The following AUTS2 variants were observed in gnomAD, a reference collection of about 807,000 sequenced individuals.
AUTS2 encodes activator of transcription and developmental regulator AUTS2, also known as autism susceptibility gene 2 protein.
A neutral mutation model predicts 112.4 loss-of-function variants in AUTS2; 17 were observed. That is an observed-to-expected ratio of 0.15 (90% CI 0.10 to 0.23). The LOEUF (loss-of-function observed/expected upper bound fraction) is 0.23, where lower values mean the gene tolerates loss of function less well. Among genes scored for constraint, AUTS2 ranks in the 10% least tolerant of loss-of-function variants. AUTS2 has a pLI of 1.00. For missense variants in AUTS2, 1,510 were observed against 1,701.6 expected, an observed-to-expected ratio of 0.89 and a Z score of 1.98; for synonymous variants, 751 against 702.7, an observed-to-expected ratio of 1.07 and a Z score of -1.09.
In AUTS2 at chr7:70,790,485, T is replaced by C; in HGVS notation, c.3269T>C (p.Leu1090Pro). Reference sequence around the variant, plus strand: ...CTTGACATTCACCGGAGAGACCCGCTGGGCAGGGACTTCCTGCTAAGGAAC... The same window carrying C: ...CTTGACATTCACCGGAGAGACCCGCCGGGCAGGGACTTCCTGCTAAGGAAC... The part of the protein sequence containing the change: ...RELDIHRRDP[L>P]GRDFLLRNDP... Residue 1090 changes from leucine to proline, a missense_variant, in exon 19 of 19, where the codon CTG (leucine) becomes CCG (proline). Physicochemically the swap from Leu to Pro is moderately conservative, Grantham distance 98. Coordinates refer to ENST00000342771, the MANE Select transcript of AUTS2 (RefSeq NM_015570.4). The surrounding 1 kb of genome is among the most constrained non-coding windows in gnomAD (Gnocchi z 7.6). The C allele has an allele frequency of 6.2e-7, 1 of 1,612,410 alleles. No homozygotes were observed. Among genetic ancestry groups the C allele is most frequent in the East Asian group, 2.2e-5 (1 of 44,776 alleles).
intron 1 of AUTS2, among the ~76,000 whole-genome samples, chr7:69,680,738 C>T (rs977755484): frequency 2.0e-5 from 3 of 152,078 alleles, no homozygotes; most frequent in Non-Finnish European, 1.5e-5. Context: ...GGTATGGTTT[C>T]GGCTCACTGC....
At chr7:70,726,627 A>G (rs1235498405) in intron 6 of AUTS2, among the ~76,000 whole-genome samples, 1 of 152,230 alleles carries the variant, frequency 6.6e-6, no homozygotes, top group Non-Finnish European at 1.5e-5. Flanking sequence ...GTATCCCAGA[A>G]TTTTTGAGAA....
chr7:70,495,546 C>A (rs112913171), intron 5 of AUTS2, among the ~76,000 whole-genome samples: 13 of 151,962 alleles, frequency 8.6e-5, no homozygotes, highest in African/African-American at 2.7e-4. Context: ...CACATAGACA[C>A]ACACCCCCCG....
intron 4 of AUTS2, chr7:70,292,056 C>G (rs936151584): frequency 3.9e-5 from 6 of 152,166 alleles, no homozygotes; most frequent in Admixed American, 2.0e-4. Context: ...TGTCTTCTGA[C>G]TCATTGGATT....
chr7:70,710,896 T>TGTA (rs1220304435), intron 6 of AUTS2, among the ~76,000 whole-genome samples: 2 of 152,252 alleles, frequency 1.3e-5, no homozygotes, highest in Non-Finnish European at 2.9e-5. Context: ...TGCAGTTGGC[T>TGTA]GTAGAGGCCA....
chr7:69,701,584 G>T (rs1204949057), intron 1 of AUTS2, among the ~76,000 whole-genome samples: 1 of 152,214 alleles, frequency 6.6e-6, no homozygotes, highest in Non-Finnish European at 1.5e-5. Context: ...GGGTGACGAG[G>T]ACATGCATTG....
At chr7:70,385,190 C>T (rs1488572566) in intron 4 of AUTS2, among the ~76,000 whole-genome samples, 1 of 152,182 alleles carries the variant, frequency 6.6e-6, no homozygotes, top group East Asian at 1.9e-4. Context: ...TGCTTATCCA[C>T]TAAACTGTTC....
chr7:70,151,374 G>A (rs1018396465), intron 4 of AUTS2, among the ~76,000 whole-genome samples: 6 of 152,146 alleles, frequency 3.9e-5, no homozygotes, highest in Admixed American at 6.6e-5. Flanking sequence ...AAAACCACTA[G>A]ACTCATGGGG....
At chr7:70,405,441 C>A (rs1375647495) in intron 4 of AUTS2, among the ~76,000 whole-genome samples, 5 of 152,204 alleles carry the variant, frequency 3.3e-5, no homozygotes, top group Non-Finnish European at 7.3e-5. Flanking sequence ...GTCACTGATA[C>A]AAGCTTTTAC....
intron 1 of AUTS2, among the ~76,000 whole-genome samples, chr7:69,662,489 C>A (rs371484618): frequency 1.6e-4 from 24 of 152,164 alleles, no homozygotes; most frequent in South Asian, 6.2e-4. Context: ...AGTGTGACAA[C>A]CAAAAATGTC....
intron 4 of AUTS2, among the ~76,000 whole-genome samples, chr7:70,353,502 C>T (rs1791860330): frequency 6.6e-6 from 1 of 152,090 alleles, no homozygotes; most frequent in Non-Finnish European, 1.5e-5. Flanking sequence ...CCCAGGGAAC[C>T]TCCAGGCAAG....
intron 4 of AUTS2, among the ~76,000 whole-genome samples, chr7:70,253,730 T>G (rs1440920322): frequency 6.6e-6 from 1 of 152,172 alleles, no homozygotes; most frequent in Non-Finnish European, 1.5e-5. Flanking sequence ...AGTCAGCTTG[T>G]CATTATGCAT....
chr7:70,208,011 C>CAAAAAAAAAAAAAAAAAA (rs61267230), intron 4 of AUTS2, among the ~76,000 whole-genome samples: 1 of 48,054 alleles, frequency 2.1e-5, no homozygotes. Context: ...AACTCCATCT[C>CAAAAAAAAAAAAAAAAAA]AAAAAAAAAA....
intron 5 of AUTS2, among the ~76,000 whole-genome samples, chr7:70,614,708 T>C (rs1804263566): frequency 6.6e-6 from 1 of 152,204 alleles, no homozygotes; most frequent in Non-Finnish European, 1.5e-5. Context: ...GTACTGATGC[T>C]GGGCTGTGAT....
intron 1 of AUTS2, among the ~76,000 whole-genome samples, chr7:69,855,216 GA>G (rs1562930166): frequency 6.6e-6 from 1 of 152,178 alleles, no homozygotes; most frequent in Non-Finnish European, 1.5e-5. Context: ...AGAAGCAGAA[GA>G]AAATGGCTTC....
At chr7:69,744,289 CA>C (rs1295925257) in intron 1 of AUTS2, among the ~76,000 whole-genome samples, 1 of 152,038 alleles carries the variant, frequency 6.6e-6, no homozygotes, top group East Asian at 1.9e-4. Flanking sequence ...AATCTTTGTG[CA>C]GCTATGTTTT....
intron 1 of AUTS2, among the ~76,000 whole-genome samples, chr7:69,869,965 A>T (rs182562598): frequency 6.6e-6 from 1 of 152,306 alleles, no homozygotes; most frequent in East Asian, 1.9e-4. Context: ...ATCTGATTAA[A>T]AATGATTTCC....
chr7:70,683,797 A>G (rs1241368251), intron 5 of AUTS2, among the ~76,000 whole-genome samples: 1 of 152,224 alleles, frequency 6.6e-6, no homozygotes, highest in East Asian at 1.9e-4. Context: ...GTAACAGTTA[A>G]CCATCTACAA....
chr7:70,132,618 A>G (rs1806337479), intron 3 of AUTS2, among the ~76,000 whole-genome samples: 2 of 152,196 alleles, frequency 1.3e-5, no homozygotes, highest in Admixed American at 6.5e-5. Context: ...TGCATAAACA[A>G]TAGCCAGAAC....
Sources: gnomAD v4.1 joint callset for allele counts (sites outside exome capture counted in the v4.1 genomes callset) on GRCh38, gnomAD v4.1.1 for gene constraint, Gnocchi (gnomAD v3.1) non-coding constraint, MANE v1.5 for transcripts, NCBI Gene and HGNC (gene_info 2026-07-23, HGNC 2026-07-21) for gene names.